Variants in KDM1B observed in about 807,000 individuals in gnomAD.
KDM1B encodes the protein lysine-specific histone demethylase 2.
Under a neutral mutation model 107.4 loss-of-function variants are expected in KDM1B, and 63 were observed. The observed-to-expected ratio is 0.59, with a 90% CI of 0.48 to 0.72. KDM1B has a LOEUF of 0.72. Ranked by LOEUF, KDM1B falls within the 30% of genes least tolerant of loss-of-function variation. The pLI, the probability that KDM1B is intolerant of heterozygous loss-of-function variation, is 0.00. For missense variants in KDM1B, 749 were observed against 1,020.8 expected (o/e 0.73, Z 3.63); for synonymous variants, 363 against 363.9 (o/e 1.00, Z 0.03).
At chr6:18,187,586 G>A (rs1786957669) in intron 8 of KDM1B, among the ~76,000 whole-genome samples, 1 of 152,156 alleles carries the variant, frequency 6.6e-6, no homozygotes. Context: ...CTGTCTGGGA[G>A]ACATTCTTGC....
At chr6:18,168,939 T>G (rs1785486985) in intron 6 of KDM1B, among the ~76,000 whole-genome samples, 1 of 151,822 alleles carries the variant, frequency 6.6e-6, no homozygotes, top group Admixed American at 6.6e-5. Flanking sequence ...TGGTGCGATC[T>G]TGGCTCGCTG....
At chr6:18,217,331 CAG>C (rs989332585) in intron 20 of KDM1B, among the ~76,000 whole-genome samples, 14 of 151,012 alleles carry the variant, frequency 9.3e-5, no homozygotes, top group Admixed American at 2.0e-4. Flanking sequence ...AGGTCCTAAA[CAG>C]GGGGCAAAAT....
At position 18,223,201 on chromosome 6, in the gene KDM1B, T is replaced by A. The variant is rs988218388; in HGVS notation, c.*1209T>A. On this transcript the variant is annotated 3_prime_UTR_variant, in exon 22 of 22. Coordinates refer to ENST00000650836, the MANE Select transcript of KDM1B (RefSeq NM_001364614.2). ...TACTGGTTTGCTTTAAAGAAGGGAC[T>A]AAATATGACTTTAAAGAGACTTCAA... 9 of 152,610 alleles carry A rather than the reference T, an allele frequency of 5.9e-5. No homozygotes were observed. Among genetic ancestry groups the A allele is most frequent in the African/African-American group, 1.4e-4 (6 of 41,436 alleles). The allele number at this position is 152,610 out of a possible 1,614,324, so 9.5% of individuals were successfully genotyped here.
Position 18,159,385 on chromosome 6 carries a change from C to G in KDM1B, c.-13-498C>G, listed in dbSNP as rs571615881. Among the ~76,000 whole-genome samples the G allele has an allele frequency of 4.1e-4, 63 of 152,258 alleles. No homozygotes were observed. The highest frequency in any genetic ancestry group is 7.2e-4 in the Admixed American group (11 of 15,280). ...GGTTTTCCTCATTGAATTTTATAAACATAGTGTGGTTTGTTTATTGGTCAT... is the reference window on the plus strand; with the variant it reads ...GGTTTTCCTCATTGAATTTTATAAAGATAGTGTGGTTTGTTTATTGGTCAT... On this transcript the variant is annotated intron_variant, in intron 2 of 21. Coordinates refer to ENST00000650836, the MANE Select transcript of KDM1B (RefSeq NM_001364614.2). The surrounding 1 kb of genome is among the most constrained non-coding windows in gnomAD (Gnocchi z 4.5).
chr6:18,162,951 C>T lies in KDM1B; in HGVS notation c.305+27C>T, dbSNP rs776954951. 6.9e-7 allele frequency: 1 copy of T among 1,447,478 alleles called. No individual in the cohort carries two copies. The highest frequency in any genetic ancestry group is 1.1e-5 in the South Asian group (1 of 87,542). The allele number at this position is 1,447,478 out of a possible 1,614,324, so 89.7% of individuals were successfully genotyped here. A position where few individuals can be genotyped will look rare whatever the true frequency, so the allele number is the denominator to read the frequency against. On this transcript the variant is annotated intron_variant, in intron 5 of 21. Coordinates refer to ENST00000650836, the MANE Select transcript of KDM1B (RefSeq NM_001364614.2). The surrounding 1 kb of genome is among the most constrained non-coding windows in gnomAD (Gnocchi z 4.1). ...TATGTTCACTAATTGTGTGAGGTTT[C>T]CCTGGAGAAGGGGACCGTGGCAGGG...
At position 18,197,739 on chromosome 6, in the gene KDM1B, A is replaced by G. The variant is rs559926884; in HGVS notation, c.1221+78A>G. Reference sequence around the variant, plus strand: ...TCCAAATTTCTAAGATTTAGAAACCAGTTCCTATTTTTAGTGAAGAATACT... The same window carrying G: ...TCCAAATTTCTAAGATTTAGAAACCGGTTCCTATTTTTAGTGAAGAATACT... On this transcript the variant is annotated intron_variant, in intron 12 of 21. Coordinates refer to ENST00000650836, the MANE Select transcript of KDM1B (RefSeq NM_001364614.2). The surrounding 1 kb of genome is among the most constrained non-coding windows in gnomAD (Gnocchi z 4.5). 1.3e-5 allele frequency: 13 copies of G among 1,004,088 alleles called. No homozygotes were observed. Among genetic ancestry groups the G allele is most frequent in the Non-Finnish European group, 2.0e-5 (13 of 657,134 alleles). 62.2% of individuals were successfully genotyped at this position (1,004,088 alleles called of 1,614,324 possible).
intron 7 of KDM1B, among the ~76,000 whole-genome samples, chr6:18,180,984 A>G (rs1353145416): frequency 6.6e-6 from 1 of 152,174 alleles, no homozygotes; most frequent in African/African-American, 2.4e-5. Flanking sequence ...TGACTTTACT[A>G]ATTGTTTAAA....
intron 2 of KDM1B, among the ~76,000 whole-genome samples, chr6:18,158,105 G>T (rs948713373): frequency 7.2e-5 from 11 of 151,998 alleles, no homozygotes; most frequent in African/African-American, 1.5e-4. Flanking sequence ...GAGCCACCGC[G>T]CTGGCCGGTG....
chr6:18,194,111 A>G (rs1787483309), intron 10 of KDM1B, among the ~76,000 whole-genome samples: 1 of 152,004 alleles, frequency 6.6e-6, no homozygotes, highest in Admixed American at 6.6e-5. Flanking sequence ...TCCTGACCTC[A>G]AGTGATCCAC....
rs1037609728 is a variant in KDM1B, at chr6:18,159,803, A to G, written c.-13-80A>G. On this transcript the variant is annotated intron_variant, in intron 2 of 21. Coordinates refer to ENST00000650836, the MANE Select transcript of KDM1B (RefSeq NM_001364614.2). This position sits in a 1 kb window ranked among gnomAD's most constrained non-coding sequence, Gnocchi z 4.5. Reference sequence around the variant, plus strand: ...AATCTGACATACATTCTTACCTACCAAAGTGTATAATAACTTGCTCCAGAC... The same window carrying G: ...AATCTGACATACATTCTTACCTACCGAAGTGTATAATAACTTGCTCCAGAC... 4.2e-6 allele frequency: 3 copies of G among 719,342 alleles called. No individual in the cohort carries two copies. The highest frequency in any genetic ancestry group is 5.3e-5 in the Admixed American group (2 of 37,720). The allele number at this position is 719,342 out of a possible 1,614,324, so 44.6% of individuals were successfully genotyped here. A position where few individuals can be genotyped will look rare whatever the true frequency, so the allele number is the denominator to read the frequency against.
chr6:18,206,365 A>G (rs559814344), intron 15 of KDM1B, among the ~76,000 whole-genome samples: 28 of 152,034 alleles, frequency 1.8e-4, no homozygotes, highest in African/African-American at 6.5e-4. Flanking sequence ...AACATACAAA[A>G]AATTAGCTGG....
In KDM1B at chr6:18,215,096, C is replaced by T. The variant is rs771484236; in HGVS notation, c.2199C>T (p.Cys733=). The part of the protein sequence containing the change: ...TLDDKQVLQQ[C]MATLRELFKE... ...ATGACAAACAGGTGCTGCAGCAGTG[C>T]ATGGCCACGCTCCGGGAGCTGTTCA... Residue 733 remains cysteine (C), a synonymous_variant, in exon 20 of 22, where the codon TGC becomes TGT. Transcript: ENST00000650836. 2 of 1,613,552 alleles carry T rather than the reference C, an allele frequency of 1.2e-6. No homozygotes were observed. The highest frequency in any genetic ancestry group is 1.7e-6 in the Non-Finnish European group (2 of 1,179,926).
intron 7 of KDM1B, among the ~76,000 whole-genome samples, chr6:18,184,076 T>C (rs1786663990): frequency 6.6e-6 from 1 of 151,970 alleles, no homozygotes; most frequent in Admixed American, 6.6e-5. Flanking sequence ...TTTAGCTGGC[T>C]CCCAGGAAAG....
rs144521010 is a variant in KDM1B at position 18,215,051 on chromosome 6, C to G, written c.2154C>G (p.Val718=). 3 of 1,613,886 alleles carry G rather than the reference C, an allele frequency of 1.9e-6. No homozygotes were observed. In the African/African-American group the frequency reaches 4.0e-5, roughly 22 times the overall value. Residue 718 remains valine (V), a synonymous_variant, in exon 20 of 22, where the codon GTC becomes GTG. Transcript: ENST00000650836. ...TGTCTGTGATTGCCGGGGAGGCTGT[C>G]GCATCCGTGAGGACCCTGGATGACA... ...VLMSVIAGEA[V]ASVRTLDDKQ...
chr6:18,207,666 C>G (rs775638805), intron 16 of KDM1B, 137 bp downstream of exon 16: 40 of 993,176 alleles, frequency 4.0e-5, no homozygotes, highest in Non-Finnish European at 5.7e-5. Context: ...GTGGCTCATT[C>G]GTAGCCTGTG....
At chr6:18,199,026 A>G (rs1341233589) in intron 12 of KDM1B, among the ~76,000 whole-genome samples, 7 of 148,400 alleles carry the variant, frequency 4.7e-5, no homozygotes, top group South Asian at 2.2e-4. Flanking sequence ...AAAAAAAAAA[A>G]AAAAAAAGAA....
intron 6 of KDM1B, among the ~76,000 whole-genome samples, chr6:18,169,820 G>C: frequency 6.6e-6 from 1 of 152,258 alleles, no homozygotes; most frequent in Non-Finnish European, 1.5e-5. Flanking sequence ...TATGTGTAAA[G>C]TAGGGTGTCT....
chr6:18,198,657 A>C (rs1029532790), intron 12 of KDM1B, among the ~76,000 whole-genome samples: 1 of 146,900 alleles, frequency 6.8e-6, no homozygotes, highest in Admixed American at 6.8e-5. Flanking sequence ...AAAAAAAAAA[A>C]CAAAACGCCC....
intron 7 of KDM1B, among the ~76,000 whole-genome samples, chr6:18,178,798 A>G (rs1386883185): frequency 6.6e-6 from 1 of 152,174 alleles, no homozygotes; most frequent in Non-Finnish European, 1.5e-5. Context: ...TGTTAACTTC[A>G]CTTACTAAGT....
Sources: gnomAD v4.1 joint callset for allele counts (sites outside exome capture counted in the v4.1 genomes callset) on GRCh38, gnomAD v4.1.1 for gene constraint, Gnocchi (gnomAD v3.1) non-coding constraint, MANE v1.5 for transcripts, NCBI Gene and HGNC (gene_info 2026-07-23, HGNC 2026-07-21) for gene names.